Variants in THRB observed in about 807,000 individuals in gnomAD.
THRB encodes the protein thyroid hormone receptor beta.
A neutral mutation model predicts 47.8 loss-of-function variants in THRB; 12 were observed. The ratio of observed to expected loss-of-function variants is 0.25; its 90% confidence interval spans 0.16 to 0.41. The LOEUF is 0.41. Ranked by LOEUF, THRB falls within the 10% of genes least tolerant of loss-of-function variation. THRB has a pLI of 1.00. For synonymous variants in THRB, 218 were observed against 212.2 expected, an observed-to-expected ratio of 1.03 and a Z score of -0.24; for missense variants, 348 against 589.2, an observed-to-expected ratio of 0.59 and a Z score of 4.24.
At chr3:24,256,389 G>A (rs1443231738) in intron 3 of THRB, among the ~76,000 whole-genome samples, 20 of 152,130 alleles carry the variant, frequency 1.3e-4, no homozygotes, top group Admixed American at 1.2e-3. Flanking sequence ...CAAAGACTGG[G>A]AAGCCAAACT....
At chr3:24,269,403 GCACA>G (rs200586026) in intron 3 of THRB, among the ~76,000 whole-genome samples, 2,434 of 72,398 alleles carry the variant, frequency 0.034, 36 homozygotes, top group African/African-American at 0.046. Context: ...GCGCGCGCGC[GCACA>G]CACACACACA....
intron 1 of THRB, among the ~76,000 whole-genome samples, chr3:24,470,543 C>T (rs2074485066): frequency 6.6e-6 from 1 of 152,164 alleles, no homozygotes; most frequent in Non-Finnish European, 1.5e-5. Context: ...ACTTAATAAG[C>T]CCCATAGAAA....
At chr3:24,263,938 G>A (rs2052361837) in intron 3 of THRB, among the ~76,000 whole-genome samples, 1 of 152,170 alleles carries the variant, frequency 6.6e-6, no homozygotes, top group African/African-American at 2.4e-5. Context: ...TGGAGGCACT[G>A]AACTGAGGAA....
rs561487991 is a variant in THRB, at chr3:24,158,451, C to T, written c.284-5961G>A. On this transcript the variant is annotated intron_variant, in intron 5 of 10. Coordinates refer to ENST00000646209, the MANE Select transcript of THRB (RefSeq NM_001354712.2). ...TTTTTTTTGGGGGGAGGGTGGGGGA[C>T]GAGTTTCACTCTTGTTGACCAGGCT... Among the ~76,000 whole-genome samples the T allele has an allele frequency of 5.6e-5, 8 of 143,840 alleles. No homozygotes were observed. The East Asian group carries it at 1.4e-3, about 25-fold the overall frequency. The allele number at this position is 143,840 out of a possible 152,430, so 94.4% of individuals were successfully genotyped here. A position where few individuals can be genotyped will look rare whatever the true frequency, so the allele number is the denominator to read the frequency against.
intron 10 of THRB, among the ~76,000 whole-genome samples, chr3:24,125,116 T>TTAAACTGACCCACTACAGAGGAA (rs2032492902): frequency 6.6e-6 from 1 of 151,976 alleles, no homozygotes; most frequent in Non-Finnish European, 1.5e-5. Flanking sequence ...TAATAATCTG[T>TTAAACTGACCCACTACAGAGGAA]TAAACTGACC....
chr3:24,230,260 C>T (rs929166054), intron 3 of THRB, among the ~76,000 whole-genome samples: 10 of 152,358 alleles, frequency 6.6e-5, no homozygotes, highest in Middle Eastern at 3.4e-3. Context: ...CATGTTTACA[C>T]GGCTGCCTTT....
intron 4 of THRB, among the ~76,000 whole-genome samples, chr3:24,196,466 T>C (rs2043966862): frequency 6.6e-6 from 1 of 152,220 alleles, no homozygotes. Context: ...CTTAGAACAG[T>C]GTCCTGCACA....
intron 1 of THRB, among the ~76,000 whole-genome samples, chr3:24,465,974 G>A (rs1240101904): frequency 6.6e-6 from 1 of 151,960 alleles, no homozygotes; most frequent in African/African-American, 2.4e-5. Context: ...ATCACTCTAA[G>A]CTCTTTATTT....
At chr3:24,312,752 C>T (rs1347543675) in intron 2 of THRB, among the ~76,000 whole-genome samples, 1 of 152,196 alleles carries the variant, frequency 6.6e-6, no homozygotes, top group African/African-American at 2.4e-5. Flanking sequence ...GTCTGGGCCA[C>T]ATCACACAGG....
intron 1 of THRB, among the ~76,000 whole-genome samples, chr3:24,464,579 T>C (rs1314338692): frequency 6.6e-6 from 1 of 152,194 alleles, no homozygotes; most frequent in Non-Finnish European, 1.5e-5. Context: ...CTGGAGGTCT[T>C]TCTTTTTAAG....
At chr3:24,390,797 A>AATATATATAT (rs1553743105) in intron 1 of THRB, among the ~76,000 whole-genome samples, 20 of 137,852 alleles carry the variant, frequency 1.5e-4, no homozygotes, top group African/African-American at 5.4e-4. Flanking sequence ...AAAAAAAAAA[A>AATATATATAT]ATATATATAT....
chr3:24,492,120 C>T (rs1318225765), intron 1 of THRB, among the ~76,000 whole-genome samples: 1 of 152,166 alleles, frequency 6.6e-6, no homozygotes, highest in Non-Finnish European at 1.5e-5. Flanking sequence ...GATGTGTAGT[C>T]AGGTATTTTT....
intron 1 of THRB, among the ~76,000 whole-genome samples, chr3:24,437,820 A>G (rs2071121236): frequency 6.6e-6 from 1 of 151,880 alleles, no homozygotes; most frequent in Non-Finnish European, 1.5e-5. Flanking sequence ...CCCAGCAGGA[A>G]ATGGGTTTTC....
chr3:24,235,453 T>C (rs1559690309), intron 3 of THRB, among the ~76,000 whole-genome samples: 1 of 152,162 alleles, frequency 6.6e-6, no homozygotes, highest in African/African-American at 2.4e-5. Context: ...CTTTTCAAAC[T>C]GTCTTCCTTA....
At chr3:24,255,476 A>G (rs1559748097) in intron 3 of THRB, among the ~76,000 whole-genome samples, 2 of 152,232 alleles carry the variant, frequency 1.3e-5, no homozygotes, top group South Asian at 4.1e-4. Flanking sequence ...CCAATGTAAA[A>G]TTAAAGCTAT....
chr3:24,311,134 T>A (rs1233953136), intron 2 of THRB, among the ~76,000 whole-genome samples: 1 of 152,134 alleles, frequency 6.6e-6, no homozygotes, highest in Non-Finnish European at 1.5e-5. Flanking sequence ...GATCTGTGTA[T>A]GGCTGAAGAG....
At chr3:24,233,206 G>A (rs939847753) in intron 3 of THRB, among the ~76,000 whole-genome samples, 21 of 152,130 alleles carry the variant, frequency 1.4e-4, no homozygotes, top group Non-Finnish European at 2.5e-4. Flanking sequence ...AAAGTAAATG[G>A]AATTATTATC....
chr3:24,301,402 A>G (rs2056930406), intron 2 of THRB, among the ~76,000 whole-genome samples: 1 of 152,142 alleles, frequency 6.6e-6, no homozygotes, highest in Non-Finnish European at 1.5e-5. Flanking sequence ...TGAGTTAACT[A>G]CTTATATCTT....
At chr3:24,220,743 A>G (rs561578154) in intron 4 of THRB, among the ~76,000 whole-genome samples, 11 of 151,656 alleles carry the variant, frequency 7.3e-5, no homozygotes, top group Admixed American at 2.0e-4. Flanking sequence ...TGCTTAATAC[A>G]TCTTCCTTGG....
Sources: gnomAD v4.1 joint callset for allele counts (sites outside exome capture counted in the v4.1 genomes callset) on GRCh38, gnomAD v4.1.1 for gene constraint, MANE v1.5 for transcripts, NCBI Gene and HGNC (gene_info 2026-07-23, HGNC 2026-07-21) for gene names.